ZBTB21: variants seen among roughly 807,000 people sequenced by gnomAD.
The protein encoded by ZBTB21 is zinc finger and BTB domain-containing protein 21.
A neutral mutation model predicts 39.8 loss-of-function variants in ZBTB21; 10 were observed. That is an observed-to-expected ratio of 0.25 (90% confidence interval 0.16 to 0.43). The LOEUF is 0.43. Among genes scored for constraint, ZBTB21 ranks in the 20% least tolerant of loss-of-function variants. The pLI, the probability that ZBTB21 is intolerant of heterozygous loss-of-function variation, is 1.00. For synonymous variants in ZBTB21, 551 were observed against 498.8 expected (o/e 1.10, Z -1.40); for missense variants, 1,221 against 1,296.3 (o/e 0.94, Z 0.89).
chr21:41,999,604 T>G lies in ZBTB21; in HGVS notation c.-14+3293A>C, dbSNP rs980472132. Among the ~76,000 whole-genome samples, 7 of 152,230 alleles carry G rather than the reference T, an allele frequency of 4.6e-5. No homozygotes were observed. The East Asian group carries it at 1.3e-3, about 29-fold the overall frequency. On this transcript the variant is annotated intron_variant, in intron 2 of 2. Coordinates refer to ENST00000310826, the MANE Select transcript of ZBTB21 (RefSeq NM_001098402.2). ...AGATAATAATAGTCGCTACCATTTA[T>G]ATAGCACCTAACTGTACAGGAACCT... is the stretch of plus-strand genomic sequence containing the variant.
intron 1 of ZBTB21, among the ~76,000 whole-genome samples, chr21:42,007,476 C>A (rs187767769): frequency 5.3e-5 from 8 of 152,192 alleles, no homozygotes; most frequent in Non-Finnish European, 1.0e-4. Context: ...ACTTGCATAT[C>A]CAGCCTCTGC....
chr21:42,001,830 A>C (rs2065820873), intron 2 of ZBTB21, among the ~76,000 whole-genome samples: 1 of 152,224 alleles, frequency 6.6e-6, no homozygotes, highest in Admixed American at 6.5e-5. Context: ...TACAGATGAG[A>C]AAACCGAGGC....
At chr21:42,007,437 T>C (rs144010259) in intron 1 of ZBTB21, among the ~76,000 whole-genome samples, 112 of 152,348 alleles carry the variant, frequency 7.4e-4, no homozygotes, top group African/African-American at 2.5e-3. Context: ...TCCACCCTTA[T>C]TGGACACTAC....
chr21:42,009,987 C>T (rs1416980267), intron 1 of ZBTB21, among the ~76,000 whole-genome samples: 1 of 152,214 alleles, frequency 6.6e-6, no homozygotes, highest in Non-Finnish European at 1.5e-5. Context: ...CATGCGCATT[C>T]GCGAGGGCGA....
At chr21:42,002,010 T>G (rs756847699) in intron 2 of ZBTB21, among the ~76,000 whole-genome samples, 1 of 152,104 alleles carries the variant, frequency 6.6e-6, no homozygotes, top group Non-Finnish European at 1.5e-5. Flanking sequence ...AAGGTACACA[T>G]AGGGGAGGAA....
At chr21:42,008,915 C>G (rs528701032) in intron 1 of ZBTB21, among the ~76,000 whole-genome samples, 1 of 152,312 alleles carries the variant, frequency 6.6e-6, no homozygotes, top group Non-Finnish European at 1.5e-5. Flanking sequence ...ATCATTTACT[C>G]CAAGTACACG....
In ZBTB21 at chr21:41,993,117, G is replaced by T; in HGVS notation, c.979C>A (p.Gln327Lys). ...AGTGGGCCACTCCTGTCAATGCTTTGGTTTCCAGAACCAGATCCACTGGAT... is the reference window on the plus strand; with the variant it reads ...AGTGGGCCACTCCTGTCAATGCTTTTGTTTCCAGAACCAGATCCACTGGAT... The part of the protein sequence containing the change: ...IPSSGSGSGN[Q>K]SIDRSGPLVK... The change falls in exon 3 of 3, where the codon CAA becomes AAA. Residue 327 changes from glutamine to lysine, a missense_variant. Around this residue, in one of 4 missense-constraint regions of ZBTB21, gnomAD observed 500 missense variants for 465.6 expected, o/e 1.07. Coordinates refer to ENST00000310826, the MANE Select transcript of ZBTB21 (RefSeq NM_001098402.2). 6.2e-7 allele frequency: 1 copy of T among 1,614,168 alleles called. No individual in the cohort carries two copies. Among genetic ancestry groups the T allele is most frequent in the Non-Finnish European group, 8.5e-7 (1 of 1,180,038 alleles).
Position 41,992,823 on chromosome 21 carries a change from T to A in ZBTB21, c.1273A>T (p.Thr425Ser). Reference protein sequence around the residue: ...STDREGASPVTEVRIKTEPSS... With the variant: ...STDREGASPVSEVRIKTEPSS... ...GGCTCAGTCTTTATGCGCACCTCAG[T>A]CACAGGGGAAGCTCCCTCCCTGTCT... Residue 425 changes from threonine to serine, a missense_variant, in exon 3 of 3, where the codon ACT (threonine) becomes TCT (serine). This residue lies in a region of ZBTB21 where 500 missense variants were observed against 465.6 expected (regional missense o/e 1.07). Transcript: ENST00000310826. This position sits in a 1 kb window ranked among gnomAD's most constrained non-coding sequence, Gnocchi z 4.1. The A allele has an allele frequency of 6.2e-7, 1 of 1,614,110 alleles. No homozygotes were observed. The highest frequency in any genetic ancestry group is 8.5e-7 in the Non-Finnish European group (1 of 1,180,024).
chr21:41,998,463 T>C (rs2146311478), intron 2 of ZBTB21, among the ~76,000 whole-genome samples: 1 of 152,330 alleles, frequency 6.6e-6, no homozygotes, highest in South Asian at 2.1e-4. Context: ...AGTGCTGGGA[T>C]TACAGGTGTG....
chr21:41,991,958 G>T lies in ZBTB21; in HGVS notation c.2138C>A (p.Ala713Glu). The T allele has an allele frequency of 6.2e-7, 1 of 1,614,116 alleles. No homozygotes were observed. The highest frequency in any genetic ancestry group is 1.1e-5 in the South Asian group (1 of 91,088). Residue 713 changes from alanine (A) to glutamate (E), a missense_variant, in exon 3 of 3, where the codon GCA (alanine) becomes GAA (glutamate). Transcript: ENST00000310826. The surrounding 1 kb of genome is among the most constrained non-coding windows in gnomAD (Gnocchi z 4.9). ...VAKPKEHAPL[A>E]SPVENKEVYQ... The stretch of plus-strand genomic sequence containing the variant: ...AACCTCCTTGTTTTCTACTGGACTT[G>T]CAAGAGGAGCATGCTCTTTTGGTTT...
rs145134579 is a variant in ZBTB21, at chr21:42,000,253, C to T, written c.-14+2644G>A. Among the ~76,000 whole-genome samples the T allele has an allele frequency of 9.9e-5, 15 of 152,268 alleles. No individual in the cohort carries two copies. The East Asian group carries it at 2.9e-3, about 29-fold the overall frequency. On this transcript the variant is annotated intron_variant, in intron 2 of 2. Coordinates refer to ENST00000310826, the MANE Select transcript of ZBTB21 (RefSeq NM_001098402.2). ...TTTTAAAGAATTCAGTTTTGATATCCTACACGTGAGCAGCAACCTGTTCAT... is the reference window on the plus strand; with the variant it reads ...TTTTAAAGAATTCAGTTTTGATATCTTACACGTGAGCAGCAACCTGTTCAT...
At chr21:41,999,330 T>G (rs1205857283) in intron 2 of ZBTB21, among the ~76,000 whole-genome samples, 4 of 152,252 alleles carry the variant, frequency 2.6e-5, no homozygotes, top group Non-Finnish European at 5.9e-5. Context: ...AATATCAGAA[T>G]GCATCAAATG....
chr21:41,997,582 A>C (rs562156097), intron 2 of ZBTB21, among the ~76,000 whole-genome samples: 2,341 of 140,942 alleles, frequency 0.017, 71 homozygotes, highest in African/African-American at 0.054. Flanking sequence ...TCTCAAAAAA[A>C]AAAAAAACAA....
Position 41,993,017 on chromosome 21 carries a change from T to C in ZBTB21, c.1079A>G (p.Lys360Arg). 6.2e-7 allele frequency: 1 copy of C among 1,614,180 alleles called. No individual in the cohort carries two copies. The highest frequency in any genetic ancestry group is 8.5e-7 in the Non-Finnish European group (1 of 1,180,026). ...CACCGAAGATGATCCCTGGGAAGAT[T>C]TCAAATCTATGGAAGGTGAATAGAC... ...VPVYSPSIDL[K>R]SSQGSSSVSS... The change falls in exon 3 of 3, where the codon AAA (lysine) becomes AGA (arginine). Residue 360 changes from lysine to arginine, a missense_variant. By Grantham distance (26) the Lys-to-Arg change is conservative. Transcript: ENST00000310826.
chr21:41,999,006 T>A (rs1348102558), intron 2 of ZBTB21, among the ~76,000 whole-genome samples: 3 of 152,234 alleles, frequency 2.0e-5, no homozygotes, highest in Admixed American at 1.3e-4. Flanking sequence ...GTCATTTAAA[T>A]TTTCCTTAAT....
intron 2 of ZBTB21, among the ~76,000 whole-genome samples, chr21:41,998,793 G>A (rs925077951): frequency 1.1e-4 from 16 of 152,130 alleles, no homozygotes; most frequent in African/African-American, 3.4e-4. Context: ...CAATTTAACC[G>A]ACTGAGACAC....
rs777705367 is a variant in ZBTB21, at chr21:41,995,556, G to A, written c.-13-1448C>T. 5.4e-4 allele frequency among the ~76,000 whole-genome samples: 82 copies of A among 152,220 alleles called. 2 individuals carry two copies. Among genetic ancestry groups the A allele is most frequent in the Admixed American group, 5.9e-4 (9 of 15,290 alleles). ...CATTAAGTTTTATAAGGGAAGTAGAGAATAAAAGCTTGGAGAAGTTGCTGC... is the reference window on the plus strand; with the variant it reads ...CATTAAGTTTTATAAGGGAAGTAGAAAATAAAAGCTTGGAGAAGTTGCTGC... On this transcript the variant is annotated intron_variant, in intron 2 of 2. Coordinates refer to ENST00000310826, the MANE Select transcript of ZBTB21 (RefSeq NM_001098402.2).
At chr21:42,004,644 T>C (rs2065857404) in intron 1 of ZBTB21, among the ~76,000 whole-genome samples, 1 of 152,184 alleles carries the variant, frequency 6.6e-6, no homozygotes, top group Non-Finnish European at 1.5e-5. Context: ...AAAATGGCTC[T>C]TTACATCCAG....
Position 42,010,241 on chromosome 21 carries a change from C to T in ZBTB21, c.-79+11G>A. On this transcript the variant is annotated intron_variant, in intron 1 of 2. Coordinates refer to ENST00000310826, the MANE Select transcript of ZBTB21 (RefSeq NM_001098402.2). ...AGTTCTCCTAGAGCTAGGGGCGTGA[C>T]AGTTACTCACCGGTCTTCAGTCTCG... 2.5e-6 allele frequency: 1 copy of T among 398,012 alleles called. No individual in the cohort carries two copies. Among genetic ancestry groups the T allele is most frequent in the Non-Finnish European group, 4.4e-6 (1 of 225,622 alleles). 24.7% of individuals were successfully genotyped at this position (398,012 alleles called of 1,614,324 possible).
Sources: allele counts gnomAD v4.1 joint callset (sites outside exome capture counted in the v4.1 genomes callset), GRCh38; gene constraint gnomAD v4.1.1; regional missense constraint gnomAD v4.1.1; non-coding constraint Gnocchi (gnomAD v3.1); transcripts MANE v1.5; gene names NCBI Gene and HGNC (gene_info 2026-07-23, HGNC 2026-07-21).